LUZP2: variants seen among roughly 807,000 people sequenced by gnomAD.
LUZP2 encodes the protein leucine zipper protein 2.
In LUZP2, 52 loss-of-function variants were observed where a neutral mutation model predicts 51.6. That is an observed-to-expected ratio of 1.01 (90% confidence interval 0.81 to 1.27). LUZP2 has a LOEUF of 1.27. Among genes scored for constraint, LUZP2 ranks in the 50% most tolerant of loss-of-function variants. The pLI, the probability that LUZP2 is intolerant of heterozygous loss-of-function variation, is 0.00. For missense variants in LUZP2, 436 were observed against 395.4 expected, an observed-to-expected ratio of 1.10 and a Z score of -0.87; for synonymous variants, 154 against 137.3, an observed-to-expected ratio of 1.12 and a Z score of -0.85.
chr11:25,030,915 G>GTATTATATATATAATATATATTATATA (rs1857635777), intron 9 of LUZP2, among the ~76,000 whole-genome samples: 2 of 7,900 alleles, frequency 2.5e-4, no homozygotes, highest in African/African-American at 1.5e-3. Context: ...AATATATATT[G>GTATTATATATATAATATATATTATATA]TATTATATAT....
At chr11:24,837,466 A>G (rs1002980106) in intron 5 of LUZP2, among the ~76,000 whole-genome samples, 1 of 151,768 alleles carries the variant, frequency 6.6e-6, no homozygotes, top group Non-Finnish European at 1.5e-5. Context: ...CAGAATAAGG[A>G]TAACACTACA....
intron 7 of LUZP2, among the ~76,000 whole-genome samples, chr11:24,920,516 A>T (rs1854011303): frequency 6.6e-6 from 1 of 152,114 alleles, no homozygotes; most frequent in South Asian, 2.1e-4. Flanking sequence ...TACTATTCAC[A>T]GTAGGAAATA....
intron 5 of LUZP2, among the ~76,000 whole-genome samples, chr11:24,788,874 C>G (rs200288192): frequency 1.3e-5 from 2 of 152,158 alleles, no homozygotes; most frequent in East Asian, 3.9e-4. Flanking sequence ...TTGGACAAGG[C>G]CCACCCACAT....
At chr11:24,600,219 G>A (rs202216409) in intron 1 of LUZP2, among the ~76,000 whole-genome samples, 105 of 123,194 alleles carry the variant, frequency 8.5e-4, no homozygotes, top group East Asian at 5.3e-3. Flanking sequence ...ACACACACAC[G>A]CACAATGGGG....
intron 5 of LUZP2, among the ~76,000 whole-genome samples, chr11:24,882,815 G>GGAGGAAGA (rs71044323): frequency 3.3e-5 from 5 of 149,428 alleles, no homozygotes; most frequent in Admixed American, 6.7e-5. Context: ...AGGGAAGAAG[G>GGAGGAAGA]GAGGGAGGGA....
chr11:24,716,679 C>T (rs1858057147), intron 1 of LUZP2, among the ~76,000 whole-genome samples: 1 of 152,098 alleles, frequency 6.6e-6, no homozygotes, highest in South Asian at 2.1e-4. Flanking sequence ...GACGGATCAC[C>T]TGAGGTCAAG....
intron 4 of LUZP2, among the ~76,000 whole-genome samples, chr11:24,747,675 G>A (rs972655156): frequency 6.6e-5 from 10 of 152,090 alleles, no homozygotes; most frequent in African/African-American, 2.2e-4. Flanking sequence ...GGACCATCAG[G>A]TTGCTGCAGG....
chr11:24,731,856 A>G (rs1224858243), intron 2 of LUZP2, among the ~76,000 whole-genome samples: 1 of 151,808 alleles, frequency 6.6e-6, no homozygotes, highest in African/African-American at 2.4e-5. Flanking sequence ...TCACTTTTAA[A>G]GAGACCTAGA....
intron 5 of LUZP2, among the ~76,000 whole-genome samples, chr11:24,847,824 TA>T (rs1851250797): frequency 2.0e-5 from 3 of 152,328 alleles, no homozygotes; most frequent in South Asian, 4.1e-4. Context: ...CATTTATTTA[TA>T]TGTTACCTAG....
At chr11:24,969,841 T>C (rs903291736) in intron 7 of LUZP2, among the ~76,000 whole-genome samples, 3 of 152,058 alleles carry the variant, frequency 2.0e-5, no homozygotes, top group Non-Finnish European at 4.4e-5. Context: ...ATTACTCACA[T>C]TTTAGGAGGC....
intron 5 of LUZP2, chr11:24,785,920 A>T (rs557037538): frequency 1.0e-6 from 1 of 985,304 alleles, no homozygotes; most frequent in South Asian, 4.7e-5. Context: ...ACTAGCAGGA[A>T]CTATAGATCT....
intron 7 of LUZP2, among the ~76,000 whole-genome samples, chr11:24,918,582 A>G (rs1447900155): frequency 1.3e-5 from 2 of 151,854 alleles, no homozygotes; most frequent in Non-Finnish European, 2.9e-5. Context: ...AGAGCTATTT[A>G]TGACAAACCC....
intron 5 of LUZP2, among the ~76,000 whole-genome samples, chr11:24,767,079 T>A (rs1053976673): frequency 1.3e-5 from 2 of 152,184 alleles, no homozygotes; most frequent in African/African-American, 4.8e-5. Flanking sequence ...TTGTTATTTT[T>A]TTTATTTATT....
chr11:24,879,158 A>G (rs1459402204), intron 5 of LUZP2, among the ~76,000 whole-genome samples: 2 of 151,786 alleles, frequency 1.3e-5, no homozygotes, highest in Non-Finnish European at 2.9e-5. Context: ...GTTAGCCAGG[A>G]TGGTCTTGAT....
At chr11:24,629,272 A>G (rs969444654) in intron 1 of LUZP2, among the ~76,000 whole-genome samples, 3 of 151,722 alleles carry the variant, frequency 2.0e-5, no homozygotes, top group Non-Finnish European at 2.9e-5. Context: ...CTGTTATTAC[A>G]TACTCTACGT....
chr11:24,700,349 C>T (rs1857388305), intron 1 of LUZP2, among the ~76,000 whole-genome samples: 1 of 152,158 alleles, frequency 6.6e-6, no homozygotes, highest in Non-Finnish European at 1.5e-5. Flanking sequence ...CAGGCATAAG[C>T]CACCACGCCC....
chr11:24,529,885 AT>A (rs1394996128), intron 1 of LUZP2, among the ~76,000 whole-genome samples: 1 of 150,990 alleles, frequency 6.6e-6, no homozygotes, highest in Non-Finnish European at 1.5e-5. Context: ...CTAATAGGTT[AT>A]ATAGGTTAAT....
intron 9 of LUZP2, among the ~76,000 whole-genome samples, chr11:25,036,850 A>T (rs540087052): frequency 1.3e-5 from 2 of 152,176 alleles, no homozygotes; most frequent in Admixed American, 1.3e-4. Context: ...TTTAAAAAAA[A>T]ATTTCGAGGC....
At chr11:24,592,969 G>A (rs1383575116) in intron 1 of LUZP2, among the ~76,000 whole-genome samples, 1 of 152,052 alleles carries the variant, frequency 6.6e-6, no homozygotes, top group Non-Finnish European at 1.5e-5. Flanking sequence ...ATTCCTTAAT[G>A]TCCCCCTGAA....
Sources: allele counts gnomAD v4.1 joint callset (sites outside exome capture counted in the v4.1 genomes callset), GRCh38; gene constraint gnomAD v4.1.1; transcripts MANE v1.5; gene names NCBI Gene and HGNC (gene_info 2026-07-23, HGNC 2026-07-21).